CADM1: variants seen among roughly 807,000 people sequenced by gnomAD.
CADM1 encodes the protein cell adhesion molecule 1, also known as TSLC-1.
CADM1 carries 15 observed loss-of-function variants against 53.1 expected under a neutral mutation model. The ratio of observed to expected loss-of-function variants is 0.28; its 90% CI spans 0.19 to 0.44. CADM1 has a LOEUF of 0.44. Among genes scored for constraint, CADM1 ranks in the 20% least tolerant of loss-of-function variants. CADM1 has a pLI of 1.00. For missense variants in CADM1, 434 were observed against 611.3 expected (o/e 0.71, Z 3.06); for synonymous variants, 281 against 243.0 (o/e 1.16, Z -1.45).
intron 6 of CADM1, among the ~76,000 whole-genome samples, chr11:115,217,075 T>C (rs940803060): frequency 2.0e-5 from 3 of 152,184 alleles, no homozygotes; most frequent in Non-Finnish European, 2.9e-5. Context: ...TCATGAATCC[T>C]CAACTTGTTT....
intron 1 of CADM1, among the ~76,000 whole-genome samples, chr11:115,459,193 C>A (rs1300629157): frequency 6.6e-6 from 1 of 152,216 alleles, no homozygotes; most frequent in South Asian, 2.1e-4. Context: ...TTCTGTATTC[C>A]GGTCAGTGAT....
chr11:115,293,133 A>G (rs1417490286), intron 1 of CADM1, among the ~76,000 whole-genome samples: 2 of 152,202 alleles, frequency 1.3e-5, no homozygotes, highest in Non-Finnish European at 2.9e-5. Flanking sequence ...GACTTTTTTT[A>G]TAGCTAAAAG....
intron 3 of CADM1, among the ~76,000 whole-genome samples, chr11:115,236,999 T>C (rs1591632219): frequency 6.6e-6 from 1 of 152,262 alleles, no homozygotes; most frequent in South Asian, 2.1e-4. Context: ...ATGCCATAAA[T>C]AGATTTTATT....
intron 1 of CADM1, among the ~76,000 whole-genome samples, chr11:115,332,850 T>C (rs1945167525): frequency 6.6e-6 from 1 of 152,118 alleles, no homozygotes; most frequent in Admixed American, 6.6e-5. Context: ...TCCCTACTTG[T>C]CAACCCAGGA....
chr11:115,213,141 G>A (rs1339158427), intron 7 of CADM1, among the ~76,000 whole-genome samples: 1 of 152,190 alleles, frequency 6.6e-6, no homozygotes, highest in East Asian at 1.9e-4. Context: ...GTAAACCCGG[G>A]CAACAGCAAT....
chr11:115,425,801 A>G (rs1947875707), intron 1 of CADM1, among the ~76,000 whole-genome samples: 1 of 152,224 alleles, frequency 6.6e-6, no homozygotes, highest in East Asian at 1.9e-4. Flanking sequence ...AGATGTCCAC[A>G]CTATGCCCTC....
intron 1 of CADM1, among the ~76,000 whole-genome samples, chr11:115,440,319 G>A (rs1948281196): frequency 6.6e-6 from 1 of 152,180 alleles, no homozygotes; most frequent in Non-Finnish European, 1.5e-5. Flanking sequence ...TTCATTGCCT[G>A]TATTCCCACT....
intron 1 of CADM1, chr11:115,256,757 C>T: frequency 4.4e-6 from 2 of 454,998 alleles, no homozygotes; most frequent in Non-Finnish European, 8.8e-6. Context: ...TAACATATGG[C>T]AATTGCAATA....
rs955821090 is a variant in CADM1 at position 115,173,685 on chromosome 11, T to C, written c.*2789A>G. On this transcript the variant is annotated 3_prime_UTR_variant, in exon 12 of 12. Coordinates refer to ENST00000331581, the MANE Select transcript of CADM1 (RefSeq NM_001301043.2). ...ACAGATATTTTATAGTACTTCTTTT[T>C]TTTCTTTTTTTTTTTGTAAAAATGG... 5.7e-4 allele frequency: 315 copies of C among 548,268 alleles called. No homozygotes were observed. Among genetic ancestry groups the C allele is most frequent in the Middle Eastern group, 9.6e-4 (1 of 1,042 alleles). 34.0% of individuals were successfully genotyped at this position (548,268 alleles called of 1,614,324 possible).
intron 1 of CADM1, among the ~76,000 whole-genome samples, chr11:115,248,251 G>T: frequency 6.6e-6 from 1 of 152,216 alleles, no homozygotes; most frequent in East Asian, 1.9e-4. Flanking sequence ...CTCTTTTCAA[G>T]GAAGACTGTG....
intron 1 of CADM1, among the ~76,000 whole-genome samples, chr11:115,407,870 A>AT (rs1446573821): frequency 3.7e-5 from 3 of 81,946 alleles, no homozygotes; most frequent in African/African-American, 1.5e-4. Context: ...AGACCCTGTC[A>AT]TTTAAAAAAA....
intron 1 of CADM1, among the ~76,000 whole-genome samples, chr11:115,463,253 C>T (rs373994286): frequency 6.6e-6 from 1 of 152,170 alleles, no homozygotes; most frequent in Admixed American, 6.6e-5. Context: ...ACTTAGACAC[C>T]TCTGACCACA....
At chr11:115,218,918 A>C (rs1286372519) in intron 5 of CADM1, among the ~76,000 whole-genome samples, 1 of 152,218 alleles carries the variant, frequency 6.6e-6, no homozygotes, top group Non-Finnish European at 1.5e-5. Context: ...GTTGGAATTA[A>C]CATAGATACA....
chr11:115,298,064 A>C (rs1488703096), intron 1 of CADM1, among the ~76,000 whole-genome samples: 1 of 152,206 alleles, frequency 6.6e-6, no homozygotes, highest in Non-Finnish European at 1.5e-5. Context: ...ATTCACCACC[A>C]ACTGACAGGG....
chr11:115,231,826 A>C (rs987533724), intron 3 of CADM1, among the ~76,000 whole-genome samples: 4 of 152,098 alleles, frequency 2.6e-5, no homozygotes, highest in Non-Finnish European at 2.9e-5. Context: ...ATCTCTATTA[A>C]AAATACAAAA....
At chr11:115,391,963 T>TA (rs1194170686) in intron 1 of CADM1, among the ~76,000 whole-genome samples, 2 of 152,038 alleles carry the variant, frequency 1.3e-5, no homozygotes, top group Non-Finnish European at 2.9e-5. Flanking sequence ...TCTGTGTTAT[T>TA]AAAAAAACAA....
chr11:115,462,952 C>T (rs1162842660), intron 1 of CADM1, among the ~76,000 whole-genome samples: 1 of 152,124 alleles, frequency 6.6e-6, no homozygotes, highest in African/African-American at 2.4e-5. Context: ...TAGGTGCCCA[C>T]TAGGGAAGGG....
intron 1 of CADM1, among the ~76,000 whole-genome samples, chr11:115,343,939 G>A (rs2027898): frequency 6.6e-6 from 1 of 152,094 alleles, no homozygotes. Flanking sequence ...CAAGAGACCT[G>A]TTGCTCAAGT....
intron 1 of CADM1, among the ~76,000 whole-genome samples, chr11:115,381,564 G>A (rs1197008747): frequency 6.6e-6 from 1 of 152,042 alleles, no homozygotes; most frequent in Non-Finnish European, 1.5e-5. Flanking sequence ...TTTGACCTTG[G>A]GAAAGTCACT....
Sources: gnomAD v4.1 joint callset for allele counts (sites outside exome capture counted in the v4.1 genomes callset) on GRCh38, gnomAD v4.1.1 for gene constraint, MANE v1.5 for transcripts, NCBI Gene and HGNC (gene_info 2026-07-23, HGNC 2026-07-21) for gene names.